COMMD6: variants seen among roughly 807,000 people sequenced by gnomAD.
The protein encoded by COMMD6 is COMM domain-containing protein 6.
A neutral mutation model predicts 13.4 loss-of-function variants in COMMD6; 11 were observed. The ratio of observed to expected loss-of-function variants is 0.82; its 90% CI spans 0.52 to 1.36. The LOEUF (loss-of-function observed/expected upper bound fraction) is 1.36. COMMD6 is among the 40% of genes most tolerant of loss of function. The probability of loss-of-function intolerance (pLI) is 0.00; values close to 1 mark genes in which losing one functional copy is unlikely to be tolerated. For missense variants in COMMD6, 124 were observed against 102.4 expected, an observed-to-expected ratio of 1.21 and a Z score of -0.91; for synonymous variants, 43 against 36.5, an observed-to-expected ratio of 1.18 and a Z score of -0.64.
chr13:75,546,520 A>G (rs918517756), intron 1 of COMMD6, among the ~76,000 whole-genome samples: 2 of 152,220 alleles, frequency 1.3e-5, no homozygotes, highest in African/African-American at 4.8e-5. Flanking sequence ...ATTTGTCAAA[A>G]ACTTCCTGCT....
At chr13:75,549,360 A>C in exon 1 of COMMD6, 3 of 165,952 alleles carry the variant, frequency 1.8e-5, no homozygotes, top group Non-Finnish European at 2.6e-5. Context: ...CTGCCTGGCA[A>C]TGGGTAGCCA....
chr13:75,530,153 T>C lies in COMMD6; in HGVS notation c.168A>G (p.Val56=), dbSNP rs756655899. Residue 56 remains valine, a synonymous_variant, in exon 3 of 4, where the codon GTA becomes GTG. Coordinates refer to ENST00000682242, the MANE Select transcript of COMMD6 (RefSeq NM_203495.4). The stretch of plus-strand genomic sequence containing the variant: ...TCGTCATTTCAAAGCACTTGGTCTT[T>C]ACTTGGCCTGAATGATCTGCCACTT... ...MLKVADHSGQ[V]KTKCFEMTIP... is the part of the protein sequence containing the mutation. 6.2e-7 allele frequency: 1 copy of C among 1,613,864 alleles called. No homozygotes were observed. The highest frequency in any genetic ancestry group is 8.5e-7 in the Non-Finnish European group (1 of 1,179,818).
chr13:75,531,526 T>C (rs796496824), intron 2 of COMMD6, among the ~76,000 whole-genome samples: 75 of 141,170 alleles, frequency 5.3e-4, no homozygotes, highest in African/African-American at 1.3e-3. Context: ...TATAAGAAGA[T>C]TGAATAAATT....
intron 1 of COMMD6, among the ~76,000 whole-genome samples, chr13:75,545,594 T>A (rs2030894237): frequency 6.6e-6 from 1 of 152,070 alleles, no homozygotes; most frequent in African/African-American, 2.4e-5. Flanking sequence ...TGCCTCAGGC[T>A]CCCGAGTAAT....
intron 2 of COMMD6, chr13:75,537,383 G>A: frequency 2.6e-6 from 4 of 1,550,922 alleles, no homozygotes; most frequent in Non-Finnish European, 3.5e-6. Context: ...TTAAAATACC[G>A]TGTTCCTGGC....
chr13:75,540,282 T>G (rs1271825808), upstream of COMMD6, among the ~76,000 whole-genome samples: 1 of 151,298 alleles, frequency 6.6e-6, no homozygotes, highest in African/African-American at 2.4e-5. Context: ...CAGGAAATCT[T>G]TTTCTTCAGT....
rs2030421431 is a variant in COMMD6 at position 75,530,185 on chromosome 13, T to C, written c.136A>G (p.Met46Val). 1.2e-5 allele frequency: 19 copies of C among 1,613,752 alleles called. No homozygotes were observed. The highest frequency in any genetic ancestry group is 1.5e-5 in the Non-Finnish European group (18 of 1,179,640). ...CCTGAATGATCTGCCACTTTTAGCA[T>C]CACTGCAACGTAAGGATACTTAAGA... is the stretch of plus-strand genomic sequence containing the variant. ...RSLKYPYVAV[M>V]LKVADHSGQV... Residue 46 changes from methionine (M) to valine (V), a missense_variant, in exon 3 of 4, where the codon ATG (methionine) becomes GTG (valine). Physicochemically the swap from Met to Val is conservative, Grantham distance 21 (BLOSUM62 1). Transcript: ENST00000682242.
At chr13:75,546,462 G>T in intron 1 of COMMD6, among the ~76,000 whole-genome samples, 1 of 152,226 alleles carries the variant, frequency 6.6e-6, no homozygotes, top group East Asian at 1.9e-4. Context: ...TAGGATGAGA[G>T]AACAGTTTTT....
At chr13:75,536,769 T>A (rs977489471) in intron 2 of COMMD6, among the ~76,000 whole-genome samples, 31 of 152,202 alleles carry the variant, frequency 2.0e-4, no homozygotes, top group African/African-American at 7.5e-4. Flanking sequence ...AAATTTGTGT[T>A]TAAGCCAAAA....
At chr13:75,543,439 C>T (rs1255810059), upstream of COMMD6, among the ~76,000 whole-genome samples, 1 of 152,188 alleles carries the variant, frequency 6.6e-6, no homozygotes, top group African/African-American at 2.4e-5. Context: ...GTGATTTTAG[C>T]CCAGTGAGCC....
chr13:75,534,476 A>G (rs1010184845), intron 2 of COMMD6, among the ~76,000 whole-genome samples: 9 of 152,230 alleles, frequency 5.9e-5, no homozygotes. Flanking sequence ...AAACCTTCTA[A>G]TAAGTGTGGT....
chr13:75,544,655 C>G (rs1040464002), intron 1 of COMMD6, among the ~76,000 whole-genome samples: 1 of 152,068 alleles, frequency 6.6e-6, no homozygotes, highest in Admixed American at 6.5e-5. Context: ...CCCAGCTAAT[C>G]TGGAGGCTGA....
At chr13:75,543,186 G>T (rs1333985460), upstream of COMMD6, among the ~76,000 whole-genome samples, 6 of 152,216 alleles carry the variant, frequency 3.9e-5, no homozygotes, top group Admixed American at 1.3e-4. Context: ...AGGGTAGAGA[G>T]TGGGAGGAAG....
intron 3 of COMMD6, 65 bp downstream of exon 3, chr13:75,530,049 A>G: frequency 7.7e-7 from 1 of 1,302,796 alleles, no homozygotes; most frequent in Non-Finnish European, 1.1e-6. Flanking sequence ...GAAAGATTTT[A>G]TACATCTTTT....
At chr13:75,530,438 G>T (rs1176763231) in intron 2 of COMMD6, 172 bp from the exon 3 acceptor site, 5 of 498,180 alleles carry the variant, frequency 1.0e-5, no homozygotes, top group Non-Finnish European at 1.4e-5. Context: ...ATGAAAAAAT[G>T]GAGAGGTTAT....
chr13:75,537,580 C>T, intron 2 of COMMD6, 84 bp downstream of exon 2: 1 of 1,602,456 alleles, frequency 6.2e-7, no homozygotes, highest in South Asian at 1.1e-5. Flanking sequence ...CTAGGGGAGA[C>T]CTGGGGAAGG....
At chr13:75,526,682 A>G (rs774143109) in intron 3 of COMMD6, 43 bp from the exon 4 acceptor site, 1 of 1,349,722 alleles carries the variant, frequency 7.4e-7, no homozygotes, top group Non-Finnish European at 1.1e-6. Context: ...TGCTTTTAGA[A>G]GATATTTAAG....
intron 3 of COMMD6, chr13:75,527,818 CAGAA>C (rs759290608): frequency 4.6e-6 from 7 of 1,508,958 alleles, no homozygotes; most frequent in Middle Eastern, 1.8e-4. Flanking sequence ...CTCACAGAAG[CAGAA>C]AGGAGACTGG....
intron 2 of COMMD6, among the ~76,000 whole-genome samples, chr13:75,535,646 T>C (rs2030639080): frequency 6.6e-6 from 1 of 152,306 alleles, no homozygotes; most frequent in South Asian, 2.1e-4. Flanking sequence ...TGTGGTTCTC[T>C]GTATTCGCAG....
Sources: allele counts gnomAD v4.1 joint callset (sites outside exome capture counted in the v4.1 genomes callset), GRCh38; gene constraint gnomAD v4.1.1; transcripts MANE v1.5; gene names NCBI Gene and HGNC (gene_info 2026-07-23, HGNC 2026-07-21).